The following DPP10 variants were observed in gnomAD, a reference collection of about 807,000 sequenced individuals.
DPP10 encodes the protein inactive dipeptidyl peptidase 10.
A neutral mutation model predicts 120.9 loss-of-function variants in DPP10; 33 were observed. The observed-to-expected ratio is 0.27, with a 90% CI of 0.21 to 0.37. The LOEUF is 0.37. DPP10 is among the 10% of genes least tolerant of loss of function. The pLI is 1.00. For missense variants in DPP10, 816 were observed against 942.8 expected, an observed-to-expected ratio of 0.87 and a Z score of 1.76; for synonymous variants, 337 against 326.1, an observed-to-expected ratio of 1.03 and a Z score of -0.36.
chr2:115,356,243 T>A (rs2064377685), intron 3 of DPP10, among the ~76,000 whole-genome samples: 1 of 152,158 alleles, frequency 6.6e-6, no homozygotes, highest in South Asian at 2.1e-4. Flanking sequence ...AGCAGTGGTT[T>A]GTACTTCCCC....
chr2:115,172,277 C>T (rs909703810), intron 1 of DPP10, among the ~76,000 whole-genome samples: 7 of 151,518 alleles, frequency 4.6e-5, no homozygotes, highest in African/African-American at 9.7e-5. Context: ...CCAGCTACTC[C>T]GGAGGCTGAG....
At chr2:115,061,637 G>T (rs1255678276) in intron 1 of DPP10, among the ~76,000 whole-genome samples, 3 of 152,160 alleles carry the variant, frequency 2.0e-5, no homozygotes, top group African/African-American at 7.2e-5. Context: ...TGATGGTGAT[G>T]ATTATAGAGA....
intron 3 of DPP10, among the ~76,000 whole-genome samples, chr2:115,429,499 A>T (rs921844801): frequency 6.6e-6 from 1 of 152,210 alleles, no homozygotes; most frequent in Non-Finnish European, 1.5e-5. Flanking sequence ...CTGGCATGTA[A>T]GAAGAGCTCA....
intron 1 of DPP10, among the ~76,000 whole-genome samples, chr2:114,651,738 A>G (rs916365652): frequency 1.3e-5 from 2 of 152,186 alleles, no homozygotes; most frequent in Non-Finnish European, 2.9e-5. Context: ...AAAAAATTCA[A>G]CAATCCGCAA....
chr2:114,547,581 C>T (rs1687523524), intron 1 of DPP10, among the ~76,000 whole-genome samples: 1 of 151,946 alleles, frequency 6.6e-6, no homozygotes, highest in African/African-American at 2.4e-5. Context: ...TTCTGTGTAT[C>T]CATCAGAGTA....
chr2:114,968,551 T>C (rs952236813), intron 1 of DPP10, among the ~76,000 whole-genome samples: 6 of 152,192 alleles, frequency 3.9e-5, no homozygotes, highest in Non-Finnish European at 7.3e-5. Flanking sequence ...GTAAAGTGGT[T>C]TCTGCATTTA....
In DPP10 at chr2:115,509,591, C is replaced by T. The variant is rs149349897; in HGVS notation, c.366+9987C>T. 2.1e-3 allele frequency among the ~76,000 whole-genome samples: 315 copies of T among 152,116 alleles called. 2 individuals are homozygous for T. Among genetic ancestry groups the T allele is most frequent in the African/African-American group, 7.3e-3 (305 of 41,516 alleles). ...CTTTAAGTTAAAAATAGTCTCCACT[C>T]CTAGGTGGAGGTTACAGTGAGCTGA... On this transcript the variant is annotated intron_variant, in intron 4 of 25. Transcript: ENST00000410059.
chr2:114,762,235 A>T (rs1680347231), intron 1 of DPP10, among the ~76,000 whole-genome samples: 1 of 152,240 alleles, frequency 6.6e-6, no homozygotes, highest in Admixed American at 6.5e-5. Flanking sequence ...AGCCTTAAGC[A>T]TTAGATCAAG....
At chr2:114,536,903 C>G (rs535951495) in intron 1 of DPP10, among the ~76,000 whole-genome samples, 1 of 152,324 alleles carries the variant, frequency 6.6e-6, no homozygotes, top group Admixed American at 6.5e-5. Flanking sequence ...TTGCTGCTAG[C>G]AAGCTCTCAA....
At chr2:115,486,556 T>A (rs2075790265) in intron 3 of DPP10, among the ~76,000 whole-genome samples, 2 of 152,100 alleles carry the variant, frequency 1.3e-5, no homozygotes, top group African/African-American at 4.8e-5. Flanking sequence ...CTTACATCTT[T>A]CCTTTGCCTG....
chr2:115,169,667 T>C (rs1195191960), intron 1 of DPP10, among the ~76,000 whole-genome samples: 1 of 152,212 alleles, frequency 6.6e-6, no homozygotes, highest in Non-Finnish European at 1.5e-5. Context: ...TAGAAATTCT[T>C]TGCATACGGG....
At chr2:114,912,343 A>T (rs1339565569) in intron 1 of DPP10, among the ~76,000 whole-genome samples, 1 of 152,212 alleles carries the variant, frequency 6.6e-6, no homozygotes, top group Non-Finnish European at 1.5e-5. Context: ...CCTGCCTTGT[A>T]CGATGACATC....
chr2:114,634,992 T>A (rs1431670582), intron 1 of DPP10, among the ~76,000 whole-genome samples: 2 of 151,942 alleles, frequency 1.3e-5, no homozygotes, highest in Non-Finnish European at 2.9e-5. Flanking sequence ...TTGCTGATTT[T>A]GGTTCATTTT....
chr2:114,689,787 G>A (rs747273555), intron 1 of DPP10, among the ~76,000 whole-genome samples: 2 of 151,960 alleles, frequency 1.3e-5, no homozygotes, highest in Non-Finnish European at 2.9e-5. Flanking sequence ...TGACTAGCAT[G>A]GTACCTCATT....
At chr2:114,698,853 A>T (rs1700219842) in intron 1 of DPP10, among the ~76,000 whole-genome samples, 1 of 152,172 alleles carries the variant, frequency 6.6e-6, no homozygotes, top group South Asian at 2.1e-4. Context: ...ATAACATATT[A>T]TGAATACTGT....
intron 1 of DPP10, among the ~76,000 whole-genome samples, chr2:115,080,916 G>C (rs1335427136): frequency 6.6e-6 from 1 of 152,030 alleles, no homozygotes. Flanking sequence ...TTCTCTTTTA[G>C]TGCATTAAAG....
intron 2 of DPP10, among the ~76,000 whole-genome samples, chr2:115,338,021 C>T (rs2063248985): frequency 6.6e-6 from 1 of 151,756 alleles, no homozygotes; most frequent in African/African-American, 2.4e-5. Flanking sequence ...GAATAAGTTC[C>T]AGGGGCAATT....
At chr2:115,244,844 TAC>T (rs960976999) in intron 1 of DPP10, among the ~76,000 whole-genome samples, 6 of 141,802 alleles carry the variant, frequency 4.2e-5, no homozygotes, top group Admixed American at 1.5e-4. Flanking sequence ...CATATATATA[TAC>T]ATATATATAT....
At chr2:115,760,192 G>A (rs1679944905) in intron 11 of DPP10, among the ~76,000 whole-genome samples, 1 of 152,088 alleles carries the variant, frequency 6.6e-6, no homozygotes, top group Admixed American at 6.6e-5. Context: ...ACAGGAAATA[G>A]ACTTTAAAGT....
Sources: gnomAD v4.1 joint callset for allele counts (sites outside exome capture counted in the v4.1 genomes callset) on GRCh38, gnomAD v4.1.1 for gene constraint, MANE v1.5 for transcripts, NCBI Gene and HGNC (gene_info 2026-07-23, HGNC 2026-07-21) for gene names.